Variants in GDAP1 observed in about 807,000 individuals in gnomAD.
GDAP1 encodes the protein ganglioside induced differentiation associated protein 1, also known as ganglioside-induced differentiation-associated protein 1.
GDAP1 carries 34 observed loss-of-function variants against 40.1 expected under a neutral mutation model. The ratio of observed to expected loss-of-function variants is 0.85; its 90% CI spans 0.64 to 1.13. The LOEUF is 1.13. Among genes scored for constraint, GDAP1 ranks in the 50% most tolerant of loss-of-function variants. The pLI is 0.00. For missense variants in GDAP1, 374 were observed against 433.7 expected, an observed-to-expected ratio of 0.86 and a Z score of 1.22; for synonymous variants, 170 against 157.4, an observed-to-expected ratio of 1.08 and a Z score of -0.60.
At chr8:74,350,745 G>A (rs778713997) in intron 1 of GDAP1, among the ~76,000 whole-genome samples, 167 bp downstream of exon 1, 2 of 152,230 alleles carry the variant, frequency 1.3e-5, no homozygotes, top group African/African-American at 4.8e-5. Flanking sequence ...GGTGGGGAGC[G>A]GGGAGAATCG....
intron 2 of GDAP1, among the ~76,000 whole-genome samples, chr8:74,402,297 T>A (rs935431961): frequency 1.3e-5 from 2 of 150,390 alleles, no homozygotes; most frequent in Non-Finnish European, 2.9e-5. Flanking sequence ...ACCTTGCAGT[T>A]TGATCTCAGA....
intron 2 of GDAP1, among the ~76,000 whole-genome samples, chr8:74,426,127 A>C (rs1008759084): frequency 2.5e-4 from 38 of 152,240 alleles, no homozygotes; most frequent in African/African-American, 8.4e-4. Context: ...TTTACTGACT[A>C]TACATATTTT....
At chr8:74,472,810 T>C (rs1273126480) in intron 2 of GDAP1, among the ~76,000 whole-genome samples, 1 of 151,882 alleles carries the variant, frequency 6.6e-6, no homozygotes, top group African/African-American at 2.4e-5. Context: ...AGGGCAGTGT[T>C]GTGATCTCTT....
chr8:74,483,961 T>C lies in GDAP1; in HGVS notation c.166-4717T>C, dbSNP rs114896081. Among the ~76,000 whole-genome samples the C allele has an allele frequency of 2.6e-3, 392 of 152,312 alleles. 1 individual carries two copies. Among genetic ancestry groups the C allele is most frequent in the African/African-American group, 8.9e-3 (371 of 41,580 alleles). ...CAGGATGAAGTGACTTAGGAACTAA[T>C]ATAGTGAGGAGTACATGACTTTGCT... is the stretch of plus-strand genomic sequence containing the variant. On this transcript the variant is annotated intron_variant, in intron 2 of 2. Coordinates refer to the GDAP1 transcript ENST00000523640.
intron 2 of GDAP1, among the ~76,000 whole-genome samples, chr8:74,465,709 A>G (rs1373418628): frequency 6.6e-6 from 1 of 151,840 alleles, no homozygotes; most frequent in Non-Finnish European, 1.5e-5. Flanking sequence ...TCCCTCTCCA[A>G]ACTGCTTGTC....
rs189731165 is a variant in GDAP1, at chr8:74,451,594, C to T, written c.166-37084C>T. Among the ~76,000 whole-genome samples the T allele has an allele frequency of 6.3e-3, 525 of 82,960 alleles. 197 individuals carry two copies. Among genetic ancestry groups the T allele is most frequent in the Non-Finnish European group, 9.7e-3 (398 of 40,958 alleles). 54.4% of individuals were successfully genotyped at this position (82,960 alleles called of 152,430 possible). ...ATATCCTTTTAACTTAAATAACTTTCTTTGTGTTTGTAAAAAATTTAGATG... is the reference window on the plus strand; with the variant it reads ...ATATCCTTTTAACTTAAATAACTTTTTTTGTGTTTGTAAAAAATTTAGATG... On this transcript the variant is annotated intron_variant, in intron 2 of 2. Coordinates refer to the GDAP1 transcript ENST00000523640.
intron 2 of GDAP1, among the ~76,000 whole-genome samples, chr8:74,419,119 G>T (rs1460019278): frequency 6.6e-6 from 1 of 152,124 alleles, no homozygotes; most frequent in Non-Finnish European, 1.5e-5. Flanking sequence ...ACATTCTTCG[G>T]CAGTTTCTTA....
At chr8:74,461,607 C>A (rs865907315) in intron 2 of GDAP1, among the ~76,000 whole-genome samples, 1 of 152,206 alleles carries the variant, frequency 6.6e-6, no homozygotes, top group Non-Finnish European at 1.5e-5. Flanking sequence ...AGATGTTTGG[C>A]ATCATCCAGA....
intron 2 of GDAP1, among the ~76,000 whole-genome samples, chr8:74,401,090 A>G (rs1192049561): frequency 6.7e-6 from 1 of 148,916 alleles, no homozygotes; most frequent in Non-Finnish European, 1.5e-5. Context: ...CTGAATCTGA[A>G]TGTTGGCCTG....
intron 3 of GDAP1, 82 bp downstream of exon 3, chr8:74,360,392 A>T: frequency 8.4e-7 from 1 of 1,188,700 alleles, no homozygotes; most frequent in Non-Finnish European, 1.3e-6. Context: ...TCTCATGGTC[A>T]CTAAAAGAAG....
At chr8:74,426,539 C>T (rs944583729) in intron 2 of GDAP1, among the ~76,000 whole-genome samples, 3 of 152,146 alleles carry the variant, frequency 2.0e-5, no homozygotes, top group Non-Finnish European at 4.4e-5. Context: ...AGAAATGTAA[C>T]ATTCTTGTAG....
intron 2 of GDAP1, among the ~76,000 whole-genome samples, chr8:74,382,858 C>T (rs1215802593): frequency 6.6e-6 from 1 of 151,912 alleles, no homozygotes; most frequent in Non-Finnish European, 1.5e-5. Flanking sequence ...TTTTGTCTAT[C>T]TTTTATTTCA....
rs1175326583 is a variant in GDAP1 at position 74,411,556 on chromosome 8, T to C, written c.165+60235T>C. On this transcript the variant is annotated intron_variant, in intron 2 of 2. Coordinates refer to the GDAP1 transcript ENST00000523640. ...ATATATATATATATACACACAACAA[T>C]AAATAAAGAGTATGAGGATGTTGGA... 1.4e-5 allele frequency among the ~76,000 whole-genome samples: 2 copies of C among 147,370 alleles called. 1 individual carries two copies. Among genetic ancestry groups the C allele is most frequent in the African/African-American group, 5.3e-5 (2 of 37,810 alleles).
At chr8:74,424,296 A>G (rs1340104750) in intron 2 of GDAP1, among the ~76,000 whole-genome samples, 1 of 152,122 alleles carries the variant, frequency 6.6e-6, no homozygotes, top group Non-Finnish European at 1.5e-5. Context: ...AATATTGTCA[A>G]TCCACGCTGA....
At chr8:74,429,335 C>T (rs1805997665) in intron 2 of GDAP1, among the ~76,000 whole-genome samples, 1 of 151,946 alleles carries the variant, frequency 6.6e-6, no homozygotes, top group South Asian at 2.1e-4. Context: ...GTCTAAGAGA[C>T]AAATGGCTAA....
chr8:74,484,476 C>T (rs954538028), intron 2 of GDAP1, among the ~76,000 whole-genome samples: 4 of 152,140 alleles, frequency 2.6e-5, no homozygotes, highest in Middle Eastern at 3.2e-3. Context: ...CATCACAGAA[C>T]ACATTGCTGA....
chr8:74,477,683 G>T (rs1806648807), intron 2 of GDAP1, among the ~76,000 whole-genome samples: 1 of 152,158 alleles, frequency 6.6e-6, no homozygotes, highest in African/African-American at 2.4e-5. Context: ...GGTACTCCCA[G>T]ACTGCTGGTC....
chr8:74,420,766 A>G (rs934218190), intron 2 of GDAP1, among the ~76,000 whole-genome samples: 2 of 151,686 alleles, frequency 1.3e-5, no homozygotes, highest in Non-Finnish European at 2.9e-5. Flanking sequence ...AATGGGACCA[A>G]AGTGTGTTCA....
chr8:74,362,081 C>T (rs1193301902), intron 4 of GDAP1, 103 bp downstream of exon 4: 2 of 723,594 alleles, frequency 2.8e-6, no homozygotes, highest in Non-Finnish European at 4.9e-6. Context: ...TTAAATATTG[C>T]AGTTCACCAG....
Sources: allele counts gnomAD v4.1 joint callset (sites outside exome capture counted in the v4.1 genomes callset), GRCh38; gene constraint gnomAD v4.1.1; transcripts MANE v1.5; gene names NCBI Gene and HGNC (gene_info 2026-07-23, HGNC 2026-07-21).